The following KMT2A variants were observed in gnomAD, a reference collection of about 807,000 sequenced individuals.
KMT2A encodes the protein lysine methyltransferase 2A.
Under a neutral mutation model 345.3 loss-of-function variants are expected in KMT2A, and 16 were observed. The ratio of observed to expected loss-of-function variants is 0.05; its 90% CI spans 0.03 to 0.07. The LOEUF (loss-of-function observed/expected upper bound fraction) is 0.07. KMT2A is among the 10% of genes least tolerant of loss of function. The probability of loss-of-function intolerance (pLI) is 1.00; values close to 1 mark genes in which losing one functional copy is unlikely to be tolerated. For synonymous variants in KMT2A, 1,599 were observed against 1,778.6 expected (o/e 0.90, Z 2.54); for missense variants, 3,272 against 4,841.6 (o/e 0.68, Z 9.62).
Position 118,504,850 on chromosome 11 carries a change from A to G in KMT2A, c.8958A>G (p.Pro2986=). The G allele has an allele frequency of 1.9e-6, 3 of 1,614,104 alleles. No individual in the cohort carries two copies. The highest frequency in any genetic ancestry group is 2.5e-6 in the Non-Finnish European group (3 of 1,179,956). The part of the protein sequence containing the change: ...DPALLSPGVD[P]TPEGHMTPDH... ...CACTGCTGAGCCCAGGAGTAGATCC[A>G]ACTCCTGAAGGCCACATGACTCCTG... is the stretch of plus-strand genomic sequence containing the variant. The change falls in exon 27 of 36, where the codon CCA becomes CCG. Residue 2986 remains proline (P), a synonymous_variant. Transcript: ENST00000534358. The surrounding 1 kb of genome is among the most constrained non-coding windows in gnomAD (Gnocchi z 6.4).
Position 118,503,121 on chromosome 11 carries a change from T to C in KMT2A, c.7229T>C (p.Met2410Thr). The C allele has an allele frequency of 6.2e-7, 1 of 1,613,598 alleles. No homozygotes were observed. The highest frequency in any genetic ancestry group is 1.3e-5 in the African/African-American group (1 of 75,034). The change falls in exon 27 of 36, where the codon ATG (methionine) becomes ACG (threonine). Residue 2410 changes from methionine (M) to threonine (T), a missense_variant. Physicochemically the swap from Met to Thr is moderately conservative, Grantham distance 81. Transcript: ENST00000534358. The surrounding 1 kb of genome is among the most constrained non-coding windows in gnomAD (Gnocchi z 5.3). ...TEVKTLKLSG[M>T]SNRSSIINEH... ...GTCAAAACCTTGAAGCTATCTGGAA[T>C]GAGCAACAGATCATCCATTATCAAC... is the stretch of plus-strand genomic sequence containing the variant.
At chr11:118,468,739 TG>T (rs781796447) in intron 1 of KMT2A, 35 bp from the exon 2 acceptor site, 2 of 1,560,504 alleles carry the variant, frequency 1.3e-6, no homozygotes, top group Non-Finnish European at 1.8e-6. Flanking sequence ...TGCACGTTTT[TG>T]CTTCTGATTT....
intron 28 of KMT2A, among the ~76,000 whole-genome samples, chr11:118,508,471 T>C (rs1591290123): frequency 6.6e-6 from 1 of 152,276 alleles, no homozygotes; most frequent in Middle Eastern, 3.4e-3. Context: ...ACACAGTGGC[T>C]CATGCCTGTA....
chr11:118,461,348 C>T (rs1949739445), intron 1 of KMT2A, among the ~76,000 whole-genome samples: 1 of 152,160 alleles, frequency 6.6e-6, no homozygotes, highest in Non-Finnish European at 1.5e-5. Context: ...AGAAATTCTA[C>T]ATGTTTATTA....
In KMT2A at chr11:118,498,574, TAGAGCA is replaced by T. The variant is rs1555044789; in HGVS notation, c.5961+47_5961+52del. 1.3e-6 allele frequency: 2 copies of T among 1,537,578 alleles called. No homozygotes were observed. The highest frequency in any genetic ancestry group is 1.7e-6 in the Non-Finnish European group (2 of 1,144,690). On this transcript the variant is annotated intron_variant, in intron 22 of 35. Coordinates refer to ENST00000534358, the MANE Select transcript of KMT2A (RefSeq NM_001197104.2). This position sits in a 1 kb window ranked among gnomAD's most constrained non-coding sequence, Gnocchi z 4.4. The stretch of plus-strand genomic sequence containing the variant: ...TTAAAAAAAAAAAAAAAGACTTTTT[TAGAGCA>T]GTTTTAGGTTCACAGCAAAATTGAC...
rs1401608038 is a variant in KMT2A at position 118,497,926 on chromosome 11, T to C, written c.5665-10T>C. 3.1e-6 allele frequency: 5 copies of C among 1,605,062 alleles called. No homozygotes were observed. Among genetic ancestry groups the C allele is most frequent in the Admixed American group, 3.4e-5 (2 of 59,468 alleles). On this transcript the variant is annotated splice_polypyrimidine_tract_variant and intron_variant, in intron 20 of 35. Transcript: ENST00000534358. The surrounding 1 kb of genome is among the most constrained non-coding windows in gnomAD (Gnocchi z 4.8). ...TTCTTTAGGAAAAAAGAAATCTCTT[T>C]ATTTTATAGGATGCTGGTCGTTTAC...
chr11:118,493,062 C>G lies in KMT2A; in HGVS notation c.5010C>G (p.Ala1670=). The part of the protein sequence containing the change: ...TSHLLRYRQA[A]KPPDLNPETE... Reference sequence around the variant, plus strand: ...CATATCTTTCCTGGCAATAGGCTGCCAAGCCTCCAGACTTAAATCCCGAGA... The same window carrying G: ...CATATCTTTCCTGGCAATAGGCTGCGAAGCCTCCAGACTTAAATCCCGAGA... The change falls in exon 16 of 36, where the codon GCC becomes GCG. Residue 1670 remains alanine, a synonymous_variant. Coordinates refer to ENST00000534358, the MANE Select transcript of KMT2A (RefSeq NM_001197104.2). The surrounding 1 kb of genome is among the most constrained non-coding windows in gnomAD (Gnocchi z 5.8). The G allele has an allele frequency of 6.2e-7, 1 of 1,612,226 alleles. No individual in the cohort carries two copies. Among genetic ancestry groups the G allele is most frequent in the Non-Finnish European group, 8.5e-7 (1 of 1,178,942 alleles).
chr11:118,452,705 C>T (rs1555029363), intron 1 of KMT2A, among the ~76,000 whole-genome samples: 1 of 150,670 alleles, frequency 6.6e-6, no homozygotes, highest in East Asian at 2.0e-4. Context: ...GCCATCTCGG[C>T]TCACAGCAAC....
In KMT2A at chr11:118,474,092, C is replaced by T; in HGVS notation, c.2933C>T (p.Pro978Leu). 6.2e-7 allele frequency: 1 copy of T among 1,614,152 alleles called. No homozygotes were observed. The highest frequency in any genetic ancestry group is 8.5e-7 in the Non-Finnish European group (1 of 1,180,014). ...NLEKTNLDLGPTAPSLEKEKT... is the reference protein window; with the variant it reads ...NLEKTNLDLGLTAPSLEKEKT... ...GAAAAAACCAACTTGGACCTCGGCCCAACTGCCCCATCCCTGGAGAAGGAG... is the reference window on the plus strand; with the variant it reads ...GAAAAAACCAACTTGGACCTCGGCCTAACTGCCCCATCCCTGGAGAAGGAG... The change falls in exon 3 of 36, where the codon CCA (proline) becomes CTA (leucine). Residue 978 changes from proline (P) to leucine (L), a missense_variant. By Grantham distance (98) the Pro-to-Leu change is moderately conservative (BLOSUM62 -3). Coordinates refer to ENST00000534358, the MANE Select transcript of KMT2A (RefSeq NM_001197104.2).
chr11:118,509,899 C>A, intron 29 of KMT2A, 49 bp from the exon 30 acceptor site: 1 of 1,384,152 alleles, frequency 7.2e-7, no homozygotes, highest in Non-Finnish European at 1.0e-6. Flanking sequence ...GTAGTCAGTG[C>A]TCAGTGAGCA....
At chr11:118,485,809 A>G (rs1252116980) in intron 10 of KMT2A, among the ~76,000 whole-genome samples, 3 of 152,232 alleles carry the variant, frequency 2.0e-5, no homozygotes, top group Non-Finnish European at 4.4e-5. Context: ...ATAGCTGGGC[A>G]CGGTGGCTCA....
chr11:118,452,868 G>T (rs531632658), intron 1 of KMT2A, among the ~76,000 whole-genome samples: 1 of 151,598 alleles, frequency 6.6e-6, no homozygotes, highest in Admixed American at 6.6e-5. Flanking sequence ...TCCTGACCTC[G>T]TGATCTGCCC....
intron 3 of KMT2A, among the ~76,000 whole-genome samples, chr11:118,474,726 A>ATT (rs1210127517): frequency 6.6e-6 from 1 of 152,162 alleles, no homozygotes; most frequent in African/African-American, 2.4e-5. Flanking sequence ...TAATAGTCAA[A>ATT]TTGTTTTACT....
At chr11:118,470,795 T>G (rs979676770) in intron 2 of KMT2A, among the ~76,000 whole-genome samples, 9 of 152,212 alleles carry the variant, frequency 5.9e-5, no homozygotes, top group Non-Finnish European at 8.8e-5. Context: ...CTTACTACTT[T>G]TTAAAATACA....
In KMT2A at chr11:118,481,920, G is replaced by A. The variant is rs1274833646; in HGVS notation, c.3840G>A (p.Gly1280=). The change falls in exon 7 of 36, where the codon GGG becomes GGA. Residue 1280 remains glycine (G), a synonymous_variant. Transcript: ENST00000534358. The stretch of plus-strand genomic sequence containing the variant: ...AAGAAGGGAATGTCTCGGCCCCTGG[G>A]CCTGAATCCAAACAGGCCACCACTC... ...KSEEGNVSAP[G]PESKQATTPA... is the part of the protein sequence containing the mutation. 1 of 1,614,162 alleles carries A rather than the reference G, an allele frequency of 6.2e-7. No individual in the cohort carries two copies. The highest frequency in any genetic ancestry group is 1.1e-5 in the South Asian group (1 of 91,082).
At chr11:118,438,903 T>C in intron 1 of KMT2A, 1 of 390,562 alleles carries the variant, frequency 2.6e-6, no homozygotes, top group Middle Eastern at 3.9e-4. Flanking sequence ...TTCTGCTCTA[T>C]CTCCACCTCC....
rs1044658892 is a variant in KMT2A, at chr11:118,443,249, T to C, written c.432+6305T>C. On this transcript the variant is annotated intron_variant, in intron 1 of 35. Coordinates refer to ENST00000534358, the MANE Select transcript of KMT2A (RefSeq NM_001197104.2). ...CTTTTCATTTTGCCCCTCAATAAAG[T>C]CTCTGCAAAAACCCTGAGGAAATAC... Among the ~76,000 whole-genome samples, 4 of 152,070 alleles carry C rather than the reference T, an allele frequency of 2.6e-5. No individual in the cohort carries two copies. In the South Asian group the frequency reaches 6.2e-4, roughly 24 times the overall value.
rs879951115 is a variant in KMT2A, at chr11:118,493,599, G to C, written c.5178+369G>C. On this transcript the variant is annotated intron_variant, in intron 16 of 35. Transcript: ENST00000534358. This position sits in a 1 kb window ranked among gnomAD's most constrained non-coding sequence, Gnocchi z 5.8. ...CTGAATAATGTGCCTTTCTTTATAA[G>C]GTCTTCATTTGTAGATAGATGCCTG... Among the ~76,000 whole-genome samples the C allele has an allele frequency of 1.3e-5, 2 of 151,994 alleles. No homozygotes were observed. The highest frequency in any genetic ancestry group is 2.9e-5 in the Non-Finnish European group (2 of 67,990).
chr11:118,446,948 A>G (rs966775393), intron 1 of KMT2A, among the ~76,000 whole-genome samples: 5 of 152,184 alleles, frequency 3.3e-5, no homozygotes, highest in Admixed American at 2.0e-4. Context: ...CTACTGAACT[A>G]TTAGGTGTTC....
Sources: gnomAD v4.1 joint callset for allele counts (sites outside exome capture counted in the v4.1 genomes callset) on GRCh38, gnomAD v4.1.1 for gene constraint, Gnocchi (gnomAD v3.1) non-coding constraint, MANE v1.5 for transcripts, NCBI Gene and HGNC (gene_info 2026-07-23, HGNC 2026-07-21) for gene names.